IFT81: variants seen among roughly 807,000 people sequenced by gnomAD.
The protein encoded by IFT81 is intraflagellar transport protein 81 homolog.
IFT81 carries 72 observed loss-of-function variants against 102.6 expected under a neutral mutation model. The ratio of observed to expected loss-of-function variants is 0.70; its 90% CI spans 0.58 to 0.85. The LOEUF (loss-of-function observed/expected upper bound fraction) is 0.85, where lower values mean the gene tolerates loss of function less well. IFT81 is among the 40% of genes least tolerant of loss of function. IFT81 has a pLI of 0.00. For synonymous variants in IFT81, 237 were observed against 242.7 expected, an observed-to-expected ratio of 0.98 and a Z score of 0.22; for missense variants, 723 against 787.3, an observed-to-expected ratio of 0.92 and a Z score of 0.98.
intron 14 of IFT81, among the ~76,000 whole-genome samples, chr12:110,198,815 T>TC (rs908969256): frequency 2.3e-4 from 35 of 151,726 alleles, no homozygotes; most frequent in Middle Eastern, 3.4e-3. Context: ...TTTCTTTCTT[T>TC]TTTTTTTTTT....
rs1230654577 is a variant in IFT81, at chr12:110,218,786, A to T, written c.*560A>T. The T allele has an allele frequency of 2.0e-5, 3 of 152,230 alleles. No individual in the cohort carries two copies. Among genetic ancestry groups the T allele is most frequent in the African/African-American group, 7.2e-5 (3 of 41,468 alleles). The allele number at this position is 152,230 out of a possible 1,614,324, so 9.4% of individuals were successfully genotyped here. On this transcript the variant is annotated 3_prime_UTR_variant, in exon 19 of 19. Transcript: ENST00000242591. ...CTTGGTACGTATTTCATATCTATTT[A>T]AAAAATGTATAGTTGTCTTGTGTCA...
Position 110,135,449 on chromosome 12 carries a change from A to G in IFT81, c.696+12A>G. 2 of 1,462,162 alleles carry G rather than the reference A, an allele frequency of 1.4e-6. No homozygotes were observed. The highest frequency in any genetic ancestry group is 1.2e-5 in the South Asian group (1 of 86,044). 90.6% of individuals were successfully genotyped at this position (1,462,162 alleles called of 1,614,324 possible). On this transcript the variant is annotated intron_variant, in intron 7 of 18. Coordinates refer to ENST00000242591, the MANE Select transcript of IFT81 (RefSeq NM_014055.4). ...AACAAAAGAATCAGGTATCCACATA[A>G]AAGTTTATATTCTCAGTATGAAGGA...
rs199771326 is a variant in IFT81 at position 110,139,782 on chromosome 12, CACAT to C, written c.781+2938_781+2941del. On this transcript the variant is annotated intron_variant, in intron 8 of 18. Coordinates refer to ENST00000242591, the MANE Select transcript of IFT81 (RefSeq NM_014055.4). ...GAGTGAGACTCCATCTCAAAATAAA[CACAT>C]ACATACATACATACAATAAAATAAA... 6.0e-3 allele frequency among the ~76,000 whole-genome samples: 765 copies of C among 127,330 alleles called. 8 individuals carry two copies. Among genetic ancestry groups the C allele is most frequent in the African/African-American group, 0.021 (699 of 32,804 alleles). The allele number at this position is 127,330 out of a possible 152,430, so 83.5% of individuals were successfully genotyped here. A position where few individuals can be genotyped will look rare whatever the true frequency, so the allele number is the denominator to read the frequency against.
At chr12:110,164,975 A>G (rs915975269) in intron 11 of IFT81, among the ~76,000 whole-genome samples, 15 of 152,212 alleles carry the variant, frequency 9.9e-5, no homozygotes, top group East Asian at 1.9e-4. Context: ...AGTACTTACA[A>G]TTCAGTGTTA....
At chr12:110,162,261 T>C (rs751703740) in intron 10 of IFT81, 1 of 151,700 alleles carries the variant, frequency 6.6e-6, no homozygotes, top group Non-Finnish European at 1.5e-5. Context: ...GGTGTTACCT[T>C]CTATTGACTT....
intron 14 of IFT81, among the ~76,000 whole-genome samples, chr12:110,195,557 C>T (rs1345511086): frequency 6.6e-6 from 1 of 152,148 alleles, no homozygotes. Flanking sequence ...TTTTCCCTTT[C>T]TTCTTCCTGA....
At chr12:110,169,545 ATGTCTACCAC>A (rs1211470532) in intron 11 of IFT81, among the ~76,000 whole-genome samples, 1 of 152,114 alleles carries the variant, frequency 6.6e-6, no homozygotes, top group Non-Finnish European at 1.5e-5. Context: ...TCAGAGAAAA[ATGTCTACCAC>A]TTGAGCTTTC....
At chr12:110,185,610 A>G (rs1897495394) in intron 12 of IFT81, among the ~76,000 whole-genome samples, 1 of 151,884 alleles carries the variant, frequency 6.6e-6, no homozygotes, top group Admixed American at 6.6e-5. Context: ...TTTTAATTCT[A>G]AATATAATTT....
chr12:110,213,504 G>A (rs533553724), intron 18 of IFT81, among the ~76,000 whole-genome samples: 11 of 152,282 alleles, frequency 7.2e-5, no homozygotes, highest in Admixed American at 1.3e-4. Context: ...TTCTTCTTAT[G>A]ATGTAGACAG....
intron 11 of IFT81, chr12:110,168,238 GCTAGTAA>G (rs1896545581): frequency 6.6e-6 from 1 of 152,322 alleles, no homozygotes; most frequent in African/African-American, 2.4e-5. Flanking sequence ...ACACCCCATT[GCTAGTAA>G]GTAGTAGAAC....
At chr12:110,179,253 T>C (rs180715821) in intron 11 of IFT81, among the ~76,000 whole-genome samples, 188 of 152,300 alleles carry the variant, frequency 1.2e-3, no homozygotes, top group African/African-American at 4.5e-3. Context: ...AATGGACTGC[T>C]ACCAAAATAG....
At chr12:110,213,362 T>C (rs977609656) in intron 18 of IFT81, among the ~76,000 whole-genome samples, 8 of 152,236 alleles carry the variant, frequency 5.3e-5, no homozygotes, top group Non-Finnish European at 1.2e-4. Context: ...CCCTTTGGTG[T>C]CAATTAGCAT....
intron 10 of IFT81, among the ~76,000 whole-genome samples, chr12:110,153,633 G>A (rs562860771): frequency 4.2e-5 from 6 of 142,402 alleles, no homozygotes; most frequent in East Asian, 2.2e-4. Context: ...TTTTTTAGAC[G>A]AAGTTTCGCT....
chr12:110,195,568 A>G (rs568367550), intron 14 of IFT81, among the ~76,000 whole-genome samples: 60 of 152,180 alleles, frequency 3.9e-4, no homozygotes, highest in African/African-American at 1.4e-3. Flanking sequence ...TTCTTCCTGA[A>G]GGCTTTGTTG....
Position 110,169,814 on chromosome 12 carries a change from C to T in IFT81, c.1188+6749C>T, listed in dbSNP as rs1288667219. On this transcript the variant is annotated intron_variant, in intron 11 of 18. Coordinates refer to ENST00000242591, the MANE Select transcript of IFT81 (RefSeq NM_014055.4). The stretch of plus-strand genomic sequence containing the variant: ...CTGACCTCAAGTGATCCGCCCACCT[C>T]GGCTTCCCAAAGTGCTGGGATCACA... Among the ~76,000 whole-genome samples, 6 of 152,162 alleles carry T rather than the reference C, an allele frequency of 3.9e-5. No individual in the cohort carries two copies. The South Asian group carries it at 6.2e-4, about 16-fold the overall frequency.
chr12:110,218,291 A>G lies in IFT81; in HGVS notation c.*65A>G, dbSNP rs1870404396. ...AGCTATAAGCCTAATCTCATAATGTATTTCTTTTTTGAAACTGATTTGTAT... is the reference window on the plus strand; with the variant it reads ...AGCTATAAGCCTAATCTCATAATGTGTTTCTTTTTTGAAACTGATTTGTAT... On this transcript the variant is annotated 3_prime_UTR_variant, in exon 19 of 19. Transcript: ENST00000242591. 3 of 1,235,532 alleles carry G rather than the reference A, an allele frequency of 2.4e-6. 1 individual carries two copies. Among genetic ancestry groups the G allele is most frequent in the South Asian group, 4.2e-5 (2 of 47,206 alleles). The allele number at this position is 1,235,532 out of a possible 1,614,324, so 76.5% of individuals were successfully genotyped here. A position where few individuals can be genotyped will look rare whatever the true frequency, so the allele number is the denominator to read the frequency against.
At chr12:110,214,421 A>G (rs182755479) in intron 18 of IFT81, among the ~76,000 whole-genome samples, 1 of 152,192 alleles carries the variant, frequency 6.6e-6, no homozygotes, top group Non-Finnish European at 1.5e-5. Flanking sequence ...CTAAATTTTC[A>G]AGGCAAACAG....
intron 13 of IFT81, among the ~76,000 whole-genome samples, chr12:110,191,768 G>T (rs529860323): frequency 2.6e-5 from 4 of 151,726 alleles, no homozygotes; most frequent in African/African-American, 7.3e-5. Flanking sequence ...GTAAATAGCC[G>T]CCCCAAACCC....
intron 10 of IFT81, among the ~76,000 whole-genome samples, chr12:110,149,250 A>C (rs1895387787): frequency 2.0e-5 from 3 of 152,120 alleles, no homozygotes; most frequent in African/African-American, 7.2e-5. Context: ...TGAAACAGGG[A>C]AAGTTCCCTT....
Sources: allele counts gnomAD v4.1 joint callset (sites outside exome capture counted in the v4.1 genomes callset), GRCh38; gene constraint gnomAD v4.1.1; transcripts MANE v1.5; gene names NCBI Gene and HGNC (gene_info 2026-07-23, HGNC 2026-07-21).